Variants in PCGF5 observed in about 807,000 individuals in gnomAD.
PCGF5 encodes polycomb group RING finger protein 5.
A neutral mutation model predicts 44.3 loss-of-function variants in PCGF5; 9 were observed. The ratio of observed to expected loss-of-function variants is 0.20; its 90% CI spans 0.12 to 0.35. PCGF5 has a LOEUF of 0.35. Among genes scored for constraint, PCGF5 ranks in the 10% least tolerant of loss-of-function variants. PCGF5 has a pLI of 1.00. For synonymous variants in PCGF5, 95 were observed against 102.5 expected, an observed-to-expected ratio of 0.93 and a Z score of 0.44; for missense variants, 146 against 305.3, an observed-to-expected ratio of 0.48 and a Z score of 3.89.
At chr10:91,268,226 A>G (rs1372323741) in intron 8 of PCGF5, among the ~76,000 whole-genome samples, 1 of 152,134 alleles carries the variant, frequency 6.6e-6, no homozygotes, top group Non-Finnish European at 1.5e-5. Flanking sequence ...TAACACCCCT[A>G]TCTAAAACCC....
At chr10:91,275,130 A>G (rs996045661) in intron 9 of PCGF5, among the ~76,000 whole-genome samples, 1 of 152,196 alleles carries the variant, frequency 6.6e-6, no homozygotes, top group Non-Finnish European at 1.5e-5. Flanking sequence ...TTTGCAATGT[A>G]TGATAGAAAA....
At chr10:91,262,374 C>T (rs1589405723) in intron 7 of PCGF5, among the ~76,000 whole-genome samples, 1 of 151,890 alleles carries the variant, frequency 6.6e-6, no homozygotes, top group African/African-American at 2.4e-5. Flanking sequence ...GTTGCAGTGA[C>T]CCGAGATCAC....
intron 1 of PCGF5, among the ~76,000 whole-genome samples, chr10:91,178,015 G>A (rs1843743966): frequency 6.6e-6 from 1 of 152,206 alleles, no homozygotes; most frequent in African/African-American, 2.4e-5. Context: ...CACACTGGGA[G>A]CTGTAGACTG....
chr10:91,260,501 A>C (rs1845871613), intron 6 of PCGF5, among the ~76,000 whole-genome samples: 1 of 152,182 alleles, frequency 6.6e-6, no homozygotes, highest in South Asian at 2.1e-4. Context: ...CTATAAAGAC[A>C]CATGCACACA....
Position 91,279,674 on chromosome 10 carries a change from A to C in PCGF5, c.*1358A>C, listed in dbSNP as rs1846402759. 6.6e-6 allele frequency: 1 copy of C among 152,154 alleles called. No homozygotes were observed. Among genetic ancestry groups the C allele is most frequent in the Non-Finnish European group, 1.5e-5 (1 of 67,966 alleles). 9.4% of individuals were successfully genotyped at this position (152,154 alleles called of 1,614,324 possible). A position where few individuals can be genotyped will look rare whatever the true frequency, so the allele number is the denominator to read the frequency against. ...CCTTACTTGGAAATTGCTTTGAAAC[A>C]AACAAGCTAACCTTTGAAACTTAGG... is the stretch of plus-strand genomic sequence containing the variant. On this transcript the variant is annotated 3_prime_UTR_variant, in exon 10 of 10. Coordinates refer to ENST00000336126, the MANE Select transcript of PCGF5 (RefSeq NM_032373.5).
Position 91,248,744 on chromosome 10 carries a change from G to C in PCGF5, c.325+20G>C, listed in dbSNP as rs777618431. The C allele has an allele frequency of 6.9e-6, 11 of 1,584,236 alleles. No homozygotes were observed. The African/African-American group carries it at 8.1e-5, about 12-fold the overall frequency. On this transcript the variant is annotated intron_variant, in intron 5 of 9. Coordinates refer to ENST00000336126, the MANE Select transcript of PCGF5 (RefSeq NM_032373.5). The stretch of plus-strand genomic sequence containing the variant: ...GACAAGGTGACTTTTTCTTATGTCT[G>C]TTTCTGACAGCACCTCTTAAACTGG...
chr10:91,201,531 T>A (rs906163588), intron 1 of PCGF5, among the ~76,000 whole-genome samples: 3 of 151,988 alleles, frequency 2.0e-5, no homozygotes, highest in African/African-American at 7.2e-5. Flanking sequence ...GTAAAAAAAA[T>A]ACGTAAACAG....
chr10:91,217,471 T>TTTAGTATAGA (rs1844564584), upstream of PCGF5, among the ~76,000 whole-genome samples: 1 of 152,214 alleles, frequency 6.6e-6, no homozygotes, highest in Admixed American at 6.5e-5. Context: ...AGTATAGAAC[T>TTTAGTATAGA]ACCTACCCAC....
At chr10:91,159,746 AT>A (rs1843356801), upstream of PCGF5, among the ~76,000 whole-genome samples, 1 of 152,178 alleles carries the variant, frequency 6.6e-6, no homozygotes. Context: ...ATTTTTCTCT[AT>A]TTTATAGATA....
At chr10:91,247,539 A>C (rs1845498423) in intron 3 of PCGF5, among the ~76,000 whole-genome samples, 1 of 151,436 alleles carries the variant, frequency 6.6e-6, no homozygotes, top group African/African-American at 2.4e-5. Flanking sequence ...ATGTGTTTGT[A>C]GTCTTGTAGA....
At chr10:91,185,705 C>T (rs1843910447) in intron 1 of PCGF5, among the ~76,000 whole-genome samples, 1 of 152,210 alleles carries the variant, frequency 6.6e-6, no homozygotes, top group Admixed American at 6.5e-5. Context: ...GGACTGAAGG[C>T]CCTAGTGGAG....
At chr10:91,160,860 G>A (rs1244676978), upstream of PCGF5, among the ~76,000 whole-genome samples, 2 of 152,218 alleles carry the variant, frequency 1.3e-5, no homozygotes, top group African/African-American at 2.4e-5. Context: ...CCGGCCTAAA[G>A]GAAGAGGCAA....
At chr10:91,197,234 C>G (rs892011371) in intron 1 of PCGF5, among the ~76,000 whole-genome samples, 1 of 152,164 alleles carries the variant, frequency 6.6e-6, no homozygotes, top group Non-Finnish European at 1.5e-5. Flanking sequence ...GCAGGGGAGG[C>G]TCGAAGTATG....
chr10:91,157,808 C>T, the PCGF5 span, among the ~76,000 whole-genome samples: 1 of 152,152 alleles, frequency 6.6e-6, no homozygotes, highest in Non-Finnish European at 1.5e-5. Context: ...ACTGGAGATT[C>T]CGCCACTAAC....
intron 2 of PCGF5, among the ~76,000 whole-genome samples, chr10:91,235,067 T>C (rs764736985): frequency 2.0e-5 from 3 of 152,220 alleles, no homozygotes; most frequent in Non-Finnish European, 4.4e-5. Context: ...ACCCTAACGA[T>C]GGTACTAGTC....
chr10:91,239,173 ATTGT>A (rs1251642305), intron 2 of PCGF5, among the ~76,000 whole-genome samples: 1 of 152,150 alleles, frequency 6.6e-6, no homozygotes, highest in Non-Finnish European at 1.5e-5. Flanking sequence ...ACTAACTAAA[ATTGT>A]TTGTTTGCCT....
intron 1 of PCGF5, among the ~76,000 whole-genome samples, chr10:91,195,278 C>T (rs1281220692): frequency 6.6e-6 from 1 of 150,666 alleles, no homozygotes; most frequent in Non-Finnish European, 1.5e-5. Flanking sequence ...TAGCTATCAC[C>T]TCCTTCAAAA....
chr10:91,156,859 T>C, the PCGF5 span, among the ~76,000 whole-genome samples: 12 of 152,062 alleles, frequency 7.9e-5, no homozygotes, highest in Non-Finnish European at 1.3e-4. Flanking sequence ...AGCAGAAAAA[T>C]GGTTTTCTCC....
intron 1 of PCGF5, among the ~76,000 whole-genome samples, chr10:91,201,213 G>A (rs1173037704): frequency 6.6e-6 from 1 of 152,174 alleles, no homozygotes; most frequent in Non-Finnish European, 1.5e-5. Flanking sequence ...GGACATCCAA[G>A]GGTGAGGTAT....
Sources: allele counts gnomAD v4.1 joint callset (sites outside exome capture counted in the v4.1 genomes callset), GRCh38; gene constraint gnomAD v4.1.1; transcripts MANE v1.5; gene names NCBI Gene and HGNC (gene_info 2026-07-23, HGNC 2026-07-21).